Variants in CREB5 observed in about 807,000 individuals in gnomAD.
The protein encoded by CREB5 is cyclic AMP-responsive element-binding protein 5.
Under a neutral mutation model 57.1 loss-of-function variants are expected in CREB5, and 19 were observed. The observed-to-expected ratio is 0.33, with a 90% confidence interval of 0.23 to 0.49. The LOEUF (loss-of-function observed/expected upper bound fraction) is 0.49, where lower values mean the gene tolerates loss of function less well. Ranked by LOEUF, CREB5 falls within the 20% of genes least tolerant of loss-of-function variation. The probability of loss-of-function intolerance (pLI) is 0.99; values close to 1 mark genes in which losing one functional copy is unlikely to be tolerated. For missense variants in CREB5, 579 were observed against 671.6 expected (o/e 0.86, Z 1.52); for synonymous variants, 238 against 238.3 (o/e 1.00, Z 0.01).
chr7:28,385,749 T>A (rs1787079195), intron 1 of CREB5, among the ~76,000 whole-genome samples: 1 of 152,106 alleles, frequency 6.6e-6, no homozygotes, highest in South Asian at 2.1e-4. Context: ...TAATTGGTTT[T>A]TAGAATAAAA....
At chr7:28,796,715 A>ATTTCT (rs1394942220) in intron 7 of CREB5, among the ~76,000 whole-genome samples, 1 of 152,158 alleles carries the variant, frequency 6.6e-6, no homozygotes, top group African/African-American at 2.4e-5. Context: ...TCTCCAATAG[A>ATTTCT]TTTCTTTACT....
intron 7 of CREB5, among the ~76,000 whole-genome samples, chr7:28,739,881 A>C (rs1804236131): frequency 6.6e-6 from 1 of 152,238 alleles, no homozygotes; most frequent in African/African-American, 2.4e-5. Context: ...GCAACTGGGA[A>C]GCTGAGGCTC....
chr7:28,380,230 G>A (rs1786940557), intron 1 of CREB5, among the ~76,000 whole-genome samples: 2 of 152,176 alleles, frequency 1.3e-5, no homozygotes, highest in African/African-American at 4.8e-5. Flanking sequence ...AGTTACACAG[G>A]AAGCTTTGGG....
chr7:28,669,657 C>T (rs191230224), intron 5 of CREB5, among the ~76,000 whole-genome samples: 18 of 152,340 alleles, frequency 1.2e-4, no homozygotes, highest in Admixed American at 9.1e-4. Context: ...ATCTTCAACA[C>T]AGGACCATCA....
chr7:28,815,666 G>A (rs1445645589), intron 9 of CREB5, among the ~76,000 whole-genome samples: 3 of 152,146 alleles, frequency 2.0e-5, no homozygotes, highest in Non-Finnish European at 2.9e-5. Flanking sequence ...CTTAGGGAAG[G>A]GGCAATGAAC....
chr7:28,781,303 T>C lies in CREB5; in HGVS notation c.703-22896T>C, dbSNP rs571803462. ...TGAAAAATCCCTAATGTACCTGATT[T>C]ACTTGGAAATTATAAGTCTTGCTTG... On this transcript the variant is annotated intron_variant, in intron 7 of 10. Transcript: ENST00000357727. Among the ~76,000 whole-genome samples the C allele has an allele frequency of 1.5e-4, 23 of 152,306 alleles. 1 individual carries two copies. In the South Asian group the frequency reaches 4.6e-3, roughly 30 times the overall value.
chr7:28,435,715 G>A (rs982557418), intron 1 of CREB5: 3 of 954,412 alleles, frequency 3.1e-6, no homozygotes, highest in Middle Eastern at 5.3e-4. Flanking sequence ...TATAATACTC[G>A]TGTGACAGAT....
intron 5 of CREB5, among the ~76,000 whole-genome samples, chr7:28,664,866 C>T (rs1385606536): frequency 6.6e-6 from 1 of 152,082 alleles, no homozygotes; most frequent in Non-Finnish European, 1.5e-5. Context: ...TGTATTCTCC[C>T]AGAAGTCACA....
At chr7:28,325,312 A>C (rs1785569986) in intron 1 of CREB5, among the ~76,000 whole-genome samples, 1 of 152,148 alleles carries the variant, frequency 6.6e-6, no homozygotes, top group Admixed American at 6.5e-5. Context: ...AAAATTAGCC[A>C]GGCATGGTGG....
chr7:28,429,858 G>T (rs185999605), intron 1 of CREB5, among the ~76,000 whole-genome samples: 2 of 152,282 alleles, frequency 1.3e-5, no homozygotes, highest in East Asian at 1.9e-4. Context: ...CACAGGGAAG[G>T]GTTAGAGGCG....
In CREB5 at chr7:28,401,240, T is replaced by G. The variant is rs1002519682; in HGVS notation, c.-24-93666T>G. On this transcript the variant is annotated intron_variant, in intron 1 of 9. Coordinates refer to the CREB5 transcript ENST00000396299. ...TTGAGATAGGTGAAGCTTTTGATTT[T>G]CAGCCAGGTTCAAGAGAAAACATTA... Among the ~76,000 whole-genome samples the G allele has an allele frequency of 5.9e-5, 9 of 152,218 alleles. No individual in the cohort carries two copies. The East Asian group carries it at 1.7e-3, about 29-fold the overall frequency.
intron 4 of CREB5, among the ~76,000 whole-genome samples, chr7:28,531,937 G>A (rs1793748203): frequency 6.6e-6 from 1 of 152,236 alleles, no homozygotes; most frequent in Admixed American, 6.5e-5. Context: ...GCTGAGGTAG[G>A]AGAATCGTTT....
At chr7:28,602,839 A>G (rs930118643) in intron 5 of CREB5, among the ~76,000 whole-genome samples, 1 of 152,212 alleles carries the variant, frequency 6.6e-6, no homozygotes, top group Non-Finnish European at 1.5e-5. Context: ...AGAACTAAAT[A>G]TACACACTCA....
intron 5 of CREB5, among the ~76,000 whole-genome samples, chr7:28,621,423 G>A (rs10435018): frequency 0.18 from 28,095 of 152,110 alleles, 2,976 homozygotes; most frequent in East Asian, 0.38. Flanking sequence ...ATTTCTAACC[G>A]GATTGTCTTC....
chr7:28,771,417 G>A (rs1806314273), intron 7 of CREB5, among the ~76,000 whole-genome samples: 1 of 152,154 alleles, frequency 6.6e-6, no homozygotes, highest in African/African-American at 2.4e-5. Flanking sequence ...TCCTCTGGAT[G>A]CTGCCTGATG....
At chr7:28,459,790 CATTAATTAATGTTTACTGAGTGTTTTGT>C (rs1790276331) in intron 1 of CREB5, among the ~76,000 whole-genome samples, 1 of 152,154 alleles carries the variant, frequency 6.6e-6, no homozygotes, top group Non-Finnish European at 1.5e-5. Context: ...GTCCTGTTTT[CATTAATTAATGTTTACTGAGTGTTTTGT>C]ATGTTTCTGG....
rs1794681630 is a variant in CREB5 at position 28,551,987 on chromosome 7, TTC to T, written c.292-18372_292-18371del. ...TTTTATTCTCTCTTTCTCTCTCTCTTTCTCTCTTTTCTCTCTCTCTCTCTTTT... is the reference window on the plus strand; with the variant it reads ...TTTTATTCTCTCTTTCTCTCTCTCTTTCTCTTTTCTCTCTCTCTCTCTTTT... On this transcript the variant is annotated intron_variant, in intron 4 of 10. Transcript: ENST00000357727. 1.7e-4 allele frequency among the ~76,000 whole-genome samples: 9 copies of T among 51,600 alleles called. 1 individual carries two copies. The highest frequency in any genetic ancestry group is 1.4e-3 in the East Asian group (2 of 1,404). The allele number at this position is 51,600 out of a possible 152,430, so 33.9% of individuals were successfully genotyped here.
chr7:28,652,528 G>T (rs1165422113), intron 5 of CREB5, among the ~76,000 whole-genome samples: 3 of 152,330 alleles, frequency 2.0e-5, no homozygotes, highest in Middle Eastern at 3.4e-3. Context: ...AGGCTAGCCA[G>T]AGTGGGTCTG....
rs148333494 is a variant in CREB5 at position 28,680,586 on chromosome 7, T to A, written c.465-38167T>A. 4.1e-3 allele frequency among the ~76,000 whole-genome samples: 617 copies of A among 152,120 alleles called. 3 individuals are homozygous for A. The highest frequency in any genetic ancestry group is 0.014 in the African/African-American group (573 of 41,500). ...CAGCCCAGGCAACATAGGGAGACTT[T>A]GTCTCTACAAAATGTAAACAAAATT... On this transcript the variant is annotated intron_variant, in intron 5 of 10. Coordinates refer to ENST00000357727, the MANE Select transcript of CREB5 (RefSeq NM_182898.4).
Sources: allele counts gnomAD v4.1 joint callset (sites outside exome capture counted in the v4.1 genomes callset), GRCh38; gene constraint gnomAD v4.1.1; transcripts MANE v1.5; gene names NCBI Gene and HGNC (gene_info 2026-07-23, HGNC 2026-07-21).